SH3BP5: variants seen among roughly 807,000 people sequenced by gnomAD.
SH3BP5 encodes SH3 domain binding protein 5, also known as SH3 domain-binding protein 5.
SH3BP5 carries 22 observed loss-of-function variants against 43.3 expected under a neutral mutation model. The observed-to-expected ratio is 0.51, with a 90% CI of 0.36 to 0.73. The LOEUF (loss-of-function observed/expected upper bound fraction) is 0.73, where lower values mean the gene tolerates loss of function less well. Among genes scored for constraint, SH3BP5 ranks in the 30% least tolerant of loss-of-function variants. The pLI is 0.00. For missense variants in SH3BP5, 529 were observed against 586.9 expected, an observed-to-expected ratio of 0.90 and a Z score of 1.02; for synonymous variants, 255 against 225.8, an observed-to-expected ratio of 1.13 and a Z score of -1.16.
chr3:15,284,636 C>T (rs1009078536), intron 3 of SH3BP5, among the ~76,000 whole-genome samples: 2 of 152,206 alleles, frequency 1.3e-5, no homozygotes, highest in Non-Finnish European at 2.9e-5. Context: ...GAGAGCTTCT[C>T]CATATTGGCC....
upstream of SH3BP5, chr3:15,332,982 A>T: frequency 1.6e-6 from 1 of 637,820 alleles, no homozygotes; most frequent in Non-Finnish European, 2.0e-6. Flanking sequence ...CATCCTCTTG[A>T]GCGAACCTTG....
chr3:15,318,890 C>T (rs139478575), intron 2 of SH3BP5, among the ~76,000 whole-genome samples: 11 of 151,428 alleles, frequency 7.3e-5, no homozygotes, highest in African/African-American at 1.2e-4. Flanking sequence ...TTTTTTGACC[C>T]GAAGTTTCAT....
rs1034671039 is a variant in SH3BP5, at chr3:15,338,767, G to A, written c.-402+2456C>T. Among the ~76,000 whole-genome samples, 9 of 152,058 alleles carry A rather than the reference G, an allele frequency of 5.9e-5. No homozygotes were observed. In the East Asian group the frequency reaches 1.7e-3, roughly 29 times the overall value. Reference sequence around the variant, plus strand: ...AAACATGAAAACAGTGACCTAATATGAAAATGCAGACATCTCTGATTGGCA... The same window carrying A: ...AAACATGAAAACAGTGACCTAATATAAAAATGCAGACATCTCTGATTGGCA... On this transcript the variant is annotated intron_variant, in intron 1 of 8. Coordinates refer to the SH3BP5 transcript ENST00000408919.
intron 1 of SH3BP5, among the ~76,000 whole-genome samples, chr3:15,339,078 T>G (rs1023419952): frequency 6.6e-6 from 1 of 152,178 alleles, no homozygotes; most frequent in Non-Finnish European, 1.5e-5. Context: ...TCAACAATAT[T>G]TTTTAACCCC....
intron 3 of SH3BP5, among the ~76,000 whole-genome samples, chr3:15,303,525 C>G (rs747380609): frequency 2.0e-5 from 3 of 152,136 alleles, no homozygotes; most frequent in Non-Finnish European, 4.4e-5. Context: ...CAGCCCCCAG[C>G]AATCGCCTGA....
At chr3:15,284,525 G>A (rs557335501) in intron 3 of SH3BP5, among the ~76,000 whole-genome samples, 34 of 152,264 alleles carry the variant, frequency 2.2e-4, no homozygotes, top group South Asian at 1.9e-3. Context: ...AACATTCCTC[G>A]TGCCTCAGAT....
chr3:15,299,474 A>G (rs1211651867), intron 3 of SH3BP5, among the ~76,000 whole-genome samples: 1 of 148,042 alleles, frequency 6.8e-6, no homozygotes, highest in East Asian at 2.0e-4. Flanking sequence ...CCACCAGCTC[A>G]ACAATTAGAT....
chr3:15,301,747 G>C (rs1431497308), intron 3 of SH3BP5, among the ~76,000 whole-genome samples: 1 of 152,106 alleles, frequency 6.6e-6, no homozygotes, highest in Non-Finnish European at 1.5e-5. Flanking sequence ...ACCTGAGGCA[G>C]GAGCACGTTT....
At chr3:15,280,691 C>A (rs1181411537) in intron 3 of SH3BP5, among the ~76,000 whole-genome samples, 4 of 152,182 alleles carry the variant, frequency 2.6e-5, no homozygotes, top group African/African-American at 9.7e-5. Flanking sequence ...CCTCTTAATT[C>A]TTCAAATGTG....
intron 3 of SH3BP5, among the ~76,000 whole-genome samples, chr3:15,293,023 T>C (rs1256215402): frequency 6.6e-6 from 1 of 152,192 alleles, no homozygotes; most frequent in African/African-American, 2.4e-5. Flanking sequence ...ACACATCTCC[T>C]TCCTGACCCC....
At chr3:15,293,051 C>A (rs941597381) in intron 3 of SH3BP5, among the ~76,000 whole-genome samples, 2 of 152,310 alleles carry the variant, frequency 1.3e-5, no homozygotes, top group East Asian at 1.9e-4. Flanking sequence ...TTCAAGATTC[C>A]AAGTTTCCAA....
chr3:15,320,598 C>T (rs1698297408), intron 2 of SH3BP5, among the ~76,000 whole-genome samples: 1 of 33,444 alleles, frequency 3.0e-5, no homozygotes, highest in Non-Finnish European at 7.3e-5. Context: ...TTAATTCATC[C>T]AGCCAAAACA....
At chr3:15,281,358 T>C (rs1697124264) in intron 3 of SH3BP5, among the ~76,000 whole-genome samples, 1 of 152,122 alleles carries the variant, frequency 6.6e-6, no homozygotes, top group Non-Finnish European at 1.5e-5. Context: ...GAGGCCATGG[T>C]CTGTGTCAAG....
chr3:15,259,251 A>G (rs1452622422), intron 6 of SH3BP5: 3 of 604,884 alleles, frequency 5.0e-6, no homozygotes. Context: ...GATCCCATCC[A>G]GGTGACAACC....
Position 15,330,398 on chromosome 3 carries a change from A to AG in SH3BP5, c.201+105dup, listed in dbSNP as rs1377799422. 4.9e-5 allele frequency: 44 copies of AG among 890,298 alleles called. No individual in the cohort carries two copies. The Middle Eastern group carries it at 8.5e-4, about 17-fold the overall frequency. The allele number at this position is 890,298 out of a possible 1,614,324, so 55.1% of individuals were successfully genotyped here. A position where few individuals can be genotyped will look rare whatever the true frequency, so the allele number is the denominator to read the frequency against. Reference sequence around the variant, plus strand: ...GGGAGCTGTTGCTCAACTCCCAAGGAGGGGGGTCCAGCAATAACACTCCAG... The same window carrying AG: ...GGGAGCTGTTGCTCAACTCCCAAGGAGGGGGGGTCCAGCAATAACACTCCAG... On this transcript the variant is annotated intron_variant, in intron 2 of 8. Coordinates refer to ENST00000383791, the MANE Select transcript of SH3BP5 (RefSeq NM_004844.5).
At chr3:15,258,596 G>A (rs1426873135) in intron 7 of SH3BP5, 2 of 558,100 alleles carry the variant, frequency 3.6e-6, no homozygotes, top group African/African-American at 3.8e-5. Context: ...TCAAAGAGGA[G>A]TGAAGGTGTA....
At chr3:15,277,201 AC>A (rs1443812115) in intron 3 of SH3BP5, among the ~76,000 whole-genome samples, 2 of 151,972 alleles carry the variant, frequency 1.3e-5, no homozygotes, top group Admixed American at 1.3e-4. Flanking sequence ...TGAACTCCTG[AC>A]CTTAGGTGAT....
chr3:15,270,154 C>T (rs1696759385), intron 3 of SH3BP5, among the ~76,000 whole-genome samples: 1 of 152,194 alleles, frequency 6.6e-6, no homozygotes, highest in Non-Finnish European at 1.5e-5. Flanking sequence ...CATGGCAAAC[C>T]AGCCCATCGT....
intron 4 of SH3BP5, among the ~76,000 whole-genome samples, chr3:15,268,934 A>C (rs1477048612): frequency 6.6e-6 from 1 of 152,146 alleles, no homozygotes; most frequent in Non-Finnish European, 1.5e-5. Context: ...CCCTCATGAG[A>C]CACTGAATCT....
Sources: gnomAD v4.1 joint callset for allele counts (sites outside exome capture counted in the v4.1 genomes callset) on GRCh38, gnomAD v4.1.1 for gene constraint, MANE v1.5 for transcripts, NCBI Gene and HGNC (gene_info 2026-07-23, HGNC 2026-07-21) for gene names.